Variants in ANO1 observed in about 807,000 individuals in gnomAD.
ANO1 encodes the protein anoctamin-1.
ANO1 carries 59 observed loss-of-function variants against 124.0 expected under a neutral mutation model. The ratio of observed to expected loss-of-function variants is 0.48; its 90% CI spans 0.39 to 0.59. ANO1 has a LOEUF of 0.59. Among genes scored for constraint, ANO1 ranks in the 20% least tolerant of loss-of-function variants. The pLI is 0.00. For missense variants in ANO1, 1,059 were observed against 1,328.0 expected (o/e 0.80, Z 3.15); for synonymous variants, 529 against 532.0 (o/e 0.99, Z 0.08).
At chr11:70,181,700 G>A (rs184252724) in intron 23 of ANO1, among the ~76,000 whole-genome samples, 15 of 152,236 alleles carry the variant, frequency 9.9e-5, no homozygotes, top group Admixed American at 3.3e-4. Context: ...GCCAAGGCAG[G>A]AGGATCGCTT....
chr11:70,162,028 TG>T (rs2048065361), intron 18 of ANO1, among the ~76,000 whole-genome samples: 1 of 134,580 alleles, frequency 7.4e-6, no homozygotes, highest in East Asian at 2.3e-4. Context: ...CCCTGGGCCG[TG>T]GGGACCCCAG....
intron 1 of ANO1, among the ~76,000 whole-genome samples, chr11:70,082,658 A>C (rs1295794842): frequency 6.6e-6 from 1 of 152,234 alleles, no homozygotes; most frequent in Non-Finnish European, 1.5e-5. Flanking sequence ...AATGTTCTGA[A>C]GCTTTCCCAG....
rs1035995148 is a variant in ANO1 at position 70,160,176 on chromosome 11, G to A, written c.1579-985G>A. On this transcript the variant is annotated intron_variant, in intron 16 of 25. Transcript: ENST00000355303. Reference sequence around the variant, plus strand: ...GGACCTGCCCTCTGCACCCTTGCATGGGAGCAAATATGCGATTTCCTGGAA... The same window carrying A: ...GGACCTGCCCTCTGCACCCTTGCATAGGAGCAAATATGCGATTTCCTGGAA... Among the ~76,000 whole-genome samples the A allele has an allele frequency of 3.3e-5, 5 of 152,242 alleles. 1 individual carries two copies. Among genetic ancestry groups the A allele is most frequent in the East Asian group, 3.9e-4 (2 of 5,162 alleles).
chr11:70,036,688 A>C (rs560259584), intron 1 of ANO1, among the ~76,000 whole-genome samples: 4 of 152,176 alleles, frequency 2.6e-5, no homozygotes, highest in Admixed American at 2.6e-4. Context: ...GCTCACTGCA[A>C]GCTCCACCTC....
At chr11:70,052,535 T>TTTTTC (rs1857366864) in intron 1 of ANO1, among the ~76,000 whole-genome samples, 1 of 43,086 alleles carries the variant, frequency 2.3e-5, no homozygotes, top group African/African-American at 9.8e-5. Flanking sequence ...TCTTTTCTTT[T>TTTTTC]TTTTTTTTTT....
At chr11:69,984,666 C>A (rs1020677365), upstream of ANO1, among the ~76,000 whole-genome samples, 15 of 152,108 alleles carry the variant, frequency 9.9e-5, no homozygotes, top group East Asian at 1.9e-3. Flanking sequence ...AGATGCCTTC[C>A]GCGGGGATGT....
At chr11:70,020,471 C>T (rs1856782379) in intron 1 of ANO1, among the ~76,000 whole-genome samples, 1 of 152,230 alleles carries the variant, frequency 6.6e-6, no homozygotes. Context: ...CTCCTTGAGC[C>T]TCTCTCCAGC....
At chr11:69,975,709 C>A in the ANO1 span, among the ~76,000 whole-genome samples, 1 of 152,234 alleles carries the variant, frequency 6.6e-6, no homozygotes, top group Non-Finnish European at 1.5e-5. Flanking sequence ...CCAGGACAAA[C>A]TTCCACAAAG....
intron 2 of ANO1, among the ~76,000 whole-genome samples, chr11:70,092,814 G>A (rs7927478): frequency 0.56 from 84,513 of 151,972 alleles, 23,753 homozygotes; most frequent in East Asian, 0.71. Flanking sequence ...TGTTGAGGTC[G>A]GAGCCATGTC....
intron 1 of ANO1, among the ~76,000 whole-genome samples, chr11:69,996,108 C>T (rs1194868453): frequency 6.6e-6 from 1 of 151,808 alleles, no homozygotes; most frequent in Non-Finnish European, 1.5e-5. Context: ...GACTTTGTCT[C>T]AAAACAAACC....
chr11:70,132,888 C>G (rs940315995), intron 11 of ANO1, among the ~76,000 whole-genome samples: 1 of 152,236 alleles, frequency 6.6e-6, no homozygotes, highest in South Asian at 2.1e-4. Flanking sequence ...CCATCCTTAC[C>G]TGTGAGCTCC....
At chr11:70,006,659 C>T (rs201321350) in intron 1 of ANO1, among the ~76,000 whole-genome samples, 43 of 74,184 alleles carry the variant, frequency 5.8e-4, no homozygotes, top group Admixed American at 1.7e-3. Flanking sequence ...TTTCTTTCTT[C>T]TTTCTTTTTT....
intron 11 of ANO1, among the ~76,000 whole-genome samples, chr11:70,142,466 G>A (rs114487171): frequency 0.011 from 1,677 of 152,222 alleles, 37 homozygotes; most frequent in African/African-American, 0.038. Flanking sequence ...GAGAAGGCTG[G>A]AGGCCTTTGT....
intron 8 of ANO1, among the ~76,000 whole-genome samples, chr11:70,122,885 T>C (rs1364618696): frequency 6.6e-6 from 1 of 152,236 alleles, no homozygotes; most frequent in Non-Finnish European, 1.5e-5. Flanking sequence ...AGGTTAGCGA[T>C]GGCTGCTTTG....
intron 24 of ANO1, among the ~76,000 whole-genome samples, chr11:70,184,719 G>A (rs1433135829): frequency 6.6e-6 from 1 of 152,176 alleles, no homozygotes; most frequent in Non-Finnish European, 1.5e-5. Flanking sequence ...AATGTTCAGG[G>A]TATTGTTTTG....
At chr11:69,989,172 T>C (rs563423799) in intron 1 of ANO1, among the ~76,000 whole-genome samples, 1 of 152,276 alleles carries the variant, frequency 6.6e-6, no homozygotes, top group African/African-American at 2.4e-5. Context: ...GAGGAAACTA[T>C]GGCACAGAGA....
At chr11:70,183,389 A>G (rs2049001001) in intron 24 of ANO1, among the ~76,000 whole-genome samples, 1 of 152,270 alleles carries the variant, frequency 6.6e-6, no homozygotes, top group Admixed American at 6.5e-5. Flanking sequence ...AAATCCAGGG[A>G]CTGAGTCTTA....
intron 5 of ANO1, among the ~76,000 whole-genome samples, chr11:70,106,767 G>A (rs1021222011): frequency 3.3e-5 from 5 of 152,214 alleles, no homozygotes; most frequent in African/African-American, 1.2e-4. Flanking sequence ...GCAAAGCCGT[G>A]GAGAACTGAC....
chr11:70,059,618 C>G (rs1857525864), intron 1 of ANO1, among the ~76,000 whole-genome samples: 1 of 152,016 alleles, frequency 6.6e-6, no homozygotes, highest in South Asian at 2.1e-4. Flanking sequence ...AAGGAGGAGG[C>G]CTGAGAAAGC....
Sources: gnomAD v4.1 joint callset for allele counts (sites outside exome capture counted in the v4.1 genomes callset) on GRCh38, gnomAD v4.1.1 for gene constraint, MANE v1.5 for transcripts, NCBI Gene and HGNC (gene_info 2026-07-23, HGNC 2026-07-21) for gene names.